RGL1: variants seen among roughly 807,000 people sequenced by gnomAD.
The protein encoded by RGL1 is ral guanine nucleotide dissociation stimulator like 1, also known as ral guanine nucleotide dissociation stimulator-like 1.
Under a neutral mutation model 95.2 loss-of-function variants are expected in RGL1, and 24 were observed. The ratio of observed to expected loss-of-function variants is 0.25; its 90% CI spans 0.18 to 0.35. RGL1 has a LOEUF of 0.35. Among genes scored for constraint, RGL1 ranks in the 10% least tolerant of loss-of-function variants. The pLI is 1.00. For synonymous variants in RGL1, 329 were observed against 344.9 expected, an observed-to-expected ratio of 0.95 and a Z score of 0.51; for missense variants, 715 against 936.3, an observed-to-expected ratio of 0.76 and a Z score of 3.08.
At chr1:183,874,433 C>T (rs187588243) in intron 4 of RGL1, among the ~76,000 whole-genome samples, 12 of 152,210 alleles carry the variant, frequency 7.9e-5, no homozygotes, top group Admixed American at 3.9e-4. Context: ...TACTCCGGGC[C>T]CTCTCCCACT....
rs1558290416 is a variant in RGL1, at chr1:183,912,247, C to A, written c.1728C>A (p.Thr576=). Residue 576 remains threonine (T), a synonymous_variant, in exon 15 of 18, where the codon ACC becomes ACA. Coordinates refer to ENST00000360851, the MANE Select transcript of RGL1 (RefSeq NM_001297671.3). ...AGGGCTCCATTACTCCCATGGACAC[C>A]CCTGATGAGCCTCAAAAAAAGGTAT... The part of the protein sequence containing the change: ...AEEGSITPMD[T]PDEPQKKLSE... 1 of 1,613,844 alleles carries A rather than the reference C, an allele frequency of 6.2e-7. No homozygotes were observed.
At chr1:183,698,839 G>T (rs531140580) in intron 1 of RGL1, among the ~76,000 whole-genome samples, 1 of 152,238 alleles carries the variant, frequency 6.6e-6, no homozygotes, top group East Asian at 1.9e-4. Flanking sequence ...ATCATTTGTA[G>T]ACTTGGTCAC....
intron 1 of RGL1, among the ~76,000 whole-genome samples, chr1:183,656,650 A>T (rs1200356583): frequency 6.6e-6 from 1 of 152,162 alleles, no homozygotes; most frequent in East Asian, 1.9e-4. Flanking sequence ...GATGCTTTGA[A>T]CCTATTCTGG....
In RGL1 at chr1:183,927,597, A is replaced by G. The variant is rs1447259699; in HGVS notation, c.*1305A>G. 4 of 152,582 alleles carry G rather than the reference A, an allele frequency of 2.6e-5. No individual in the cohort carries two copies. Among genetic ancestry groups the G allele is most frequent in the Non-Finnish European group, 5.9e-5 (4 of 68,040 alleles). 9.5% of individuals were successfully genotyped at this position (152,582 alleles called of 1,614,324 possible). On this transcript the variant is annotated 3_prime_UTR_variant, in exon 18 of 18. Transcript: ENST00000360851. ...GCTTGCTATCACAGTATCATTGTTA[A>G]GTGACACTTTTGTCTCTCATAACAC...
intron 2 of RGL1, among the ~76,000 whole-genome samples, chr1:183,835,835 T>C (rs139821151): frequency 9.3e-4 from 141 of 152,356 alleles, no homozygotes; most frequent in African/African-American, 3.2e-3. Context: ...ACTTTCTCTT[T>C]CTTACAAAAA....
At chr1:183,772,816 T>C (rs1659354984) in intron 2 of RGL1, among the ~76,000 whole-genome samples, 1 of 151,360 alleles carries the variant, frequency 6.6e-6, no homozygotes, top group African/African-American at 2.4e-5. Context: ...GAGACCATCC[T>C]GGCTAACAAG....
At chr1:183,776,141 ATTTTTTT>A (rs66738956) in intron 2 of RGL1, among the ~76,000 whole-genome samples, 1 of 88,800 alleles carries the variant, frequency 1.1e-5, no homozygotes, top group Non-Finnish European at 2.1e-5. Context: ...GGGAATACAG[ATTTTTTT>A]TTTTTTTTTT....
At chr1:183,902,508 C>T (rs1457601941) in intron 11 of RGL1, 60 bp from the exon 12 acceptor site, 6 of 1,448,288 alleles carry the variant, frequency 4.1e-6, no homozygotes, top group Non-Finnish European at 5.7e-6. Flanking sequence ...CCTACGACAA[C>T]ATATGGCTGT....
chr1:183,824,989 C>T (rs557686861), intron 2 of RGL1, among the ~76,000 whole-genome samples: 1 of 152,256 alleles, frequency 6.6e-6, no homozygotes, highest in Non-Finnish European at 1.5e-5. Flanking sequence ...ATTTTTATTT[C>T]CTCCTATCAG....
chr1:183,926,098 T>G lies in RGL1; in HGVS notation c.2120-7T>G. On this transcript the variant is annotated splice_polypyrimidine_tract_variant and splice_region_variant and intron_variant, in intron 17 of 17. Transcript: ENST00000360851. ...CTGACCATCTTATCTTTCCTTATCTTTTTCAGAACTTGTGATTCCAGACTC... is the reference window on the plus strand; with the variant it reads ...CTGACCATCTTATCTTTCCTTATCTGTTTCAGAACTTGTGATTCCAGACTC... 1 of 1,611,900 alleles carries G rather than the reference T, an allele frequency of 6.2e-7. No homozygotes were observed. Among genetic ancestry groups the G allele is most frequent in the Non-Finnish European group, 8.5e-7 (1 of 1,178,728 alleles).
chr1:183,695,692 G>A (rs1248967755), intron 1 of RGL1, among the ~76,000 whole-genome samples: 1 of 152,140 alleles, frequency 6.6e-6, no homozygotes, highest in Non-Finnish European at 1.5e-5. Flanking sequence ...ATATGTTAAA[G>A]CTACAAGTTC....
rs1052726913 is a variant in RGL1 at position 183,902,979 on chromosome 1, T to C, written c.1350+379T>C. On this transcript the variant is annotated intron_variant, in intron 12 of 17. Transcript: ENST00000360851. The stretch of plus-strand genomic sequence containing the variant: ...GCTTGCCACTTAATTAATAACAATG[T>C]ATTTTATACTTGAAGATTACTAAGA... Among the ~76,000 whole-genome samples the C allele has an allele frequency of 2.0e-5, 3 of 152,196 alleles. 1 individual carries two copies. Among genetic ancestry groups the C allele is most frequent in the Admixed American group, 6.5e-5 (1 of 15,276 alleles).
At chr1:183,861,630 CA>C (rs1665515823) in intron 3 of RGL1, among the ~76,000 whole-genome samples, 1 of 152,170 alleles carries the variant, frequency 6.6e-6, no homozygotes, top group African/African-American at 2.4e-5. Flanking sequence ...AAAACCATGT[CA>C]AAAGTCATTC....
intron 1 of RGL1, among the ~76,000 whole-genome samples, chr1:183,677,795 C>T (rs1328000448): frequency 1.3e-5 from 2 of 152,056 alleles, no homozygotes; most frequent in African/African-American, 4.8e-5. Flanking sequence ...GTGTTATCTC[C>T]ATTTTAGGGG....
intron 1 of RGL1, among the ~76,000 whole-genome samples, chr1:183,672,949 A>G (rs1248062938): frequency 6.6e-6 from 1 of 152,206 alleles, no homozygotes; most frequent in African/African-American, 2.4e-5. Context: ...TGTTTGTTAC[A>G]TAGGTAAACA....
intron 2 of RGL1, among the ~76,000 whole-genome samples, chr1:183,818,871 T>TTATCA (rs1662262042): frequency 6.6e-6 from 1 of 152,212 alleles, no homozygotes; most frequent in Non-Finnish European, 1.5e-5. Context: ...CTCCAACTAC[T>TTATCA]GATAACAATA....
intron 4 of RGL1, among the ~76,000 whole-genome samples, chr1:183,874,604 T>A (rs1025841532): frequency 6.6e-6 from 1 of 152,152 alleles, no homozygotes; most frequent in African/African-American, 2.4e-5. Flanking sequence ...TTGGCATTAT[T>A]TCCCTGGTCT....
rs369831836 is a variant in RGL1, at chr1:183,890,910, CTG to C, written c.1056-1164_1056-1163del. On this transcript the variant is annotated intron_variant, in intron 8 of 17. Coordinates refer to ENST00000360851, the MANE Select transcript of RGL1 (RefSeq NM_001297671.3). ...TGATTATGGGGATGACTGCACAACT[CTG>C]TGAATATACTAAAAAGCATTGGACT... 3.7e-3 allele frequency among the ~76,000 whole-genome samples: 566 copies of C among 152,154 alleles called. 3 individuals carry two copies. Among genetic ancestry groups the C allele is most frequent in the Middle Eastern group, 0.01 (3 of 294 alleles).
chr1:183,882,891 T>C (rs1451569561), intron 5 of RGL1, among the ~76,000 whole-genome samples: 1 of 152,266 alleles, frequency 6.6e-6, no homozygotes, highest in African/African-American at 2.4e-5. Flanking sequence ...CATGCTGATT[T>C]ACATTTCTGC....
Sources: gnomAD v4.1 joint callset for allele counts (sites outside exome capture counted in the v4.1 genomes callset) on GRCh38, gnomAD v4.1.1 for gene constraint, MANE v1.5 for transcripts, NCBI Gene and HGNC (gene_info 2026-07-23, HGNC 2026-07-21) for gene names.